Variants in SPIDR observed in about 807,000 individuals in gnomAD.
The protein encoded by SPIDR is scaffold protein involved in DNA repair.
A neutral mutation model predicts 104.6 loss-of-function variants in SPIDR; 93 were observed. The ratio of observed to expected loss-of-function variants is 0.89; its 90% confidence interval spans 0.75 to 1.06. The LOEUF is 1.06. Ranked by LOEUF, SPIDR falls within the 50% of genes least tolerant of loss-of-function variation. SPIDR has a pLI of 0.00. For synonymous variants in SPIDR, 431 were observed against 416.9 expected, an observed-to-expected ratio of 1.03 and a Z score of -0.41; for missense variants, 1,154 against 1,111.2, an observed-to-expected ratio of 1.04 and a Z score of -0.55.
At chr8:47,439,953 G>T (rs1185981632) in intron 7 of SPIDR, among the ~76,000 whole-genome samples, 1 of 152,156 alleles carries the variant, frequency 6.6e-6, no homozygotes, top group Non-Finnish European at 1.5e-5. Flanking sequence ...TCCTTAAGAA[G>T]AATCCACAGT....
At chr8:47,490,135 A>T (rs1299549106) in intron 8 of SPIDR, among the ~76,000 whole-genome samples, 1 of 152,196 alleles carries the variant, frequency 6.6e-6, no homozygotes, top group African/African-American at 2.4e-5. Flanking sequence ...GAATCTACAA[A>T]GAACTCAAAC....
At chr8:47,519,488 T>C (rs1414391079) in intron 8 of SPIDR, among the ~76,000 whole-genome samples, 1 of 152,200 alleles carries the variant, frequency 6.6e-6, no homozygotes, top group Non-Finnish European at 1.5e-5. Flanking sequence ...TTTTAAAAGA[T>C]GGCTTTGGTC....
intron 8 of SPIDR, among the ~76,000 whole-genome samples, chr8:47,574,323 T>C (rs2058837525): frequency 6.6e-6 from 1 of 152,250 alleles, no homozygotes; most frequent in African/African-American, 2.4e-5. Context: ...AAAAACACTT[T>C]TCAATTCATT....
chr8:47,609,161 C>T (rs898320179), intron 10 of SPIDR, among the ~76,000 whole-genome samples: 1 of 152,158 alleles, frequency 6.6e-6, no homozygotes, highest in Non-Finnish European at 1.5e-5. Flanking sequence ...AGTCCTTTAT[C>T]ATTTGCAAAT....
intron 8 of SPIDR, among the ~76,000 whole-genome samples, chr8:47,446,850 G>T (rs1427424849): frequency 6.6e-6 from 1 of 152,168 alleles, no homozygotes; most frequent in Non-Finnish European, 1.5e-5. Flanking sequence ...TTCCCAAAGT[G>T]CTGGGATTAC....
chr8:47,725,516 C>T (rs778499267), intron 16 of SPIDR, among the ~76,000 whole-genome samples: 1 of 151,994 alleles, frequency 6.6e-6, no homozygotes, highest in Admixed American at 6.6e-5. Context: ...CTCAGCCTCC[C>T]GAGGAGCTGG....
At chr8:47,514,358 A>G (rs945705714) in intron 8 of SPIDR, among the ~76,000 whole-genome samples, 2 of 152,210 alleles carry the variant, frequency 1.3e-5, no homozygotes, top group East Asian at 1.9e-4. Flanking sequence ...GCACTTGTCT[A>G]TCAATTCTAC....
chr8:47,510,283 A>T (rs1317559964), intron 8 of SPIDR, among the ~76,000 whole-genome samples: 2 of 152,248 alleles, frequency 1.3e-5, no homozygotes, highest in Non-Finnish European at 2.9e-5. Context: ...GCACACACAA[A>T]TGCTGACAGA....
intron 8 of SPIDR, among the ~76,000 whole-genome samples, chr8:47,537,971 G>A (rs1350150268): frequency 6.6e-6 from 1 of 152,156 alleles, no homozygotes; most frequent in Non-Finnish European, 1.5e-5. Context: ...GAGGTCAGGA[G>A]TTCGAGACCA....
intron 8 of SPIDR, among the ~76,000 whole-genome samples, chr8:47,464,683 G>GTCCTC (rs1211254093): frequency 7.2e-5 from 11 of 151,832 alleles, no homozygotes; most frequent in Non-Finnish European, 1.2e-4. Flanking sequence ...GTCCTGTCCT[G>GTCCTC]TCCTCTCCCC....
chr8:47,477,475 C>T (rs1036229249), intron 8 of SPIDR, among the ~76,000 whole-genome samples: 2 of 152,300 alleles, frequency 1.3e-5, no homozygotes, highest in South Asian at 2.1e-4. Context: ...AGATTACAGG[C>T]GTGAGCCACT....
chr8:47,540,416 T>A (rs942217660), intron 8 of SPIDR, among the ~76,000 whole-genome samples: 1 of 152,264 alleles, frequency 6.6e-6, no homozygotes, highest in Non-Finnish European at 1.5e-5. Context: ...TACAGGATGA[T>A]ATTTTTTGAA....
At chr8:47,659,971 A>G (rs1270977216) in intron 10 of SPIDR, among the ~76,000 whole-genome samples, 2 of 152,208 alleles carry the variant, frequency 1.3e-5, no homozygotes, top group Non-Finnish European at 2.9e-5. Context: ...CTGCCCTCTC[A>G]GCACATGCGT....
chr8:47,705,683 C>G (rs1236114026), intron 14 of SPIDR, among the ~76,000 whole-genome samples: 1 of 152,108 alleles, frequency 6.6e-6, no homozygotes, highest in Non-Finnish European at 1.5e-5. Context: ...GCTAGAGGAT[C>G]TCTTGAGGCC....
intron 8 of SPIDR, among the ~76,000 whole-genome samples, chr8:47,479,257 G>A (rs2076614758): frequency 6.6e-6 from 1 of 151,880 alleles, no homozygotes; most frequent in Non-Finnish European, 1.5e-5. Context: ...TACTCAGGAG[G>A]CTGAAGCAGG....
rs1333875782 is a variant in SPIDR at position 47,336,690 on chromosome 8, A to G, written c.525+42660A>G. ...TTCCCTGAGGAAGGAACTCAGATAA[A>G]TATAAGTTTTAAGCTTAAAATAATT... On this transcript the variant is annotated intron_variant, in intron 5 of 19. Coordinates refer to ENST00000297423, the MANE Select transcript of SPIDR (RefSeq NM_001080394.4). Among the ~76,000 whole-genome samples the G allele has an allele frequency of 4.6e-5, 7 of 152,336 alleles. No individual in the cohort carries two copies. The East Asian group carries it at 1.3e-3, about 29-fold the overall frequency.
chr8:47,546,104 G>T (rs541518888), intron 8 of SPIDR, among the ~76,000 whole-genome samples: 2 of 151,992 alleles, frequency 1.3e-5, no homozygotes, highest in Admixed American at 1.3e-4. Context: ...TGATACCAGC[G>T]TAATTCTAGG....
chr8:47,687,107 T>C (rs545306576), intron 11 of SPIDR, among the ~76,000 whole-genome samples: 2 of 152,318 alleles, frequency 1.3e-5, no homozygotes, highest in East Asian at 3.9e-4. Context: ...CTTCTCTTTC[T>C]CAAGCCACCA....
intron 8 of SPIDR, among the ~76,000 whole-genome samples, chr8:47,525,291 G>A (rs535379788): frequency 6.6e-6 from 1 of 152,190 alleles, no homozygotes; most frequent in Non-Finnish European, 1.5e-5. Context: ...CTGCCTTGTC[G>A]TCACAAGATT....
Sources: allele counts gnomAD v4.1 joint callset (sites outside exome capture counted in the v4.1 genomes callset), GRCh38; gene constraint gnomAD v4.1.1; transcripts MANE v1.5; gene names NCBI Gene and HGNC (gene_info 2026-07-23, HGNC 2026-07-21).